Variants in SLC45A3 observed in about 807,000 individuals in gnomAD.
The protein encoded by SLC45A3 is solute carrier family 45 member 3.
SLC45A3 carries 17 observed loss-of-function variants against 35.3 expected under a neutral mutation model. The ratio of observed to expected loss-of-function variants is 0.48; its 90% confidence interval spans 0.33 to 0.72. The LOEUF (loss-of-function observed/expected upper bound fraction) is 0.72, where lower values mean the gene tolerates loss of function less well. Among genes scored for constraint, SLC45A3 ranks in the 30% least tolerant of loss-of-function variants. The pLI is 0.02. For missense variants in SLC45A3, 597 were observed against 731.7 expected (o/e 0.82, Z 2.12); for synonymous variants, 288 against 334.3 (o/e 0.86, Z 1.51).
chr1:205,663,637 T>C lies in SLC45A3; in HGVS notation c.173-19A>G. Reference sequence around the variant, plus strand: ...CCAATGCCTGCAAGAAGGGAAGTAGTATGAGTCAATGGCTGGGACAAGTAA... The same window carrying C: ...CCAATGCCTGCAAGAAGGGAAGTAGCATGAGTCAATGGCTGGGACAAGTAA... On this transcript the variant is annotated intron_variant, in intron 2 of 4. Coordinates refer to ENST00000367145, the MANE Select transcript of SLC45A3 (RefSeq NM_033102.3). 6.5e-7 allele frequency: 1 copy of C among 1,542,588 alleles called. No homozygotes were observed. The highest frequency in any genetic ancestry group is 2.3e-5 in the East Asian group (1 of 44,286).
chr1:205,664,885 T>C lies in SLC45A3; in HGVS notation c.-229A>G, dbSNP rs935518984. On this transcript the variant is annotated splice_region_variant and 5_prime_UTR_variant, in exon 2 of 5. Transcript: ENST00000367145. The surrounding 1 kb of genome is among the most constrained non-coding windows in gnomAD (Gnocchi z 5.3). ...GTGGGGACACGTCTCATCACTCAGATCCTAGAAGGGCGGGGCAATCACAAG... is the reference window on the plus strand; with the variant it reads ...GTGGGGACACGTCTCATCACTCAGACCCTAGAAGGGCGGGGCAATCACAAG... 5 of 1,376,264 alleles carry C rather than the reference T, an allele frequency of 3.6e-6. No homozygotes were observed. The East Asian group carries it at 1.4e-4, about 37-fold the overall frequency. The allele number at this position is 1,376,264 out of a possible 1,614,324, so 85.3% of individuals were successfully genotyped here. A position where few individuals can be genotyped will look rare whatever the true frequency, so the allele number is the denominator to read the frequency against.
chr1:205,657,933 G>C lies in SLC45A3; in HGVS notation c.*1301C>G. 4.6e-6 allele frequency: 1 copy of C among 216,086 alleles called. No homozygotes were observed. The highest frequency in any genetic ancestry group is 9.3e-6 in the Non-Finnish European group (1 of 107,210). The allele number at this position is 216,086 out of a possible 1,614,324, so 13.4% of individuals were successfully genotyped here. On this transcript the variant is annotated 3_prime_UTR_variant, in exon 5 of 5. Coordinates refer to ENST00000367145, the MANE Select transcript of SLC45A3 (RefSeq NM_033102.3). ...ACTTACAGTATAAAATATTCACCCC[G>C]CTAAATAAATAAGACGACATTATTG...
At chr1:205,668,486 C>T (rs891188158) in intron 1 of SLC45A3, among the ~76,000 whole-genome samples, 15 of 152,158 alleles carry the variant, frequency 9.9e-5, no homozygotes, top group African/African-American at 1.4e-4. Context: ...AGTGACAGAT[C>T]AGTGTTGGAA....
rs1033449850 is a variant in SLC45A3 at position 205,669,167 on chromosome 1, G to T, written c.-230-4281C>A. On this transcript the variant is annotated intron_variant, in intron 1 of 4. Transcript: ENST00000367145. The surrounding 1 kb of genome is among the most constrained non-coding windows in gnomAD (Gnocchi z 4.1). ...TCGCCACACACCGAGGACTTTGCAG[G>T]CCCAACTCCAGAGGGAGCAGCTCCT... 2.0e-5 allele frequency among the ~76,000 whole-genome samples: 3 copies of T among 152,190 alleles called. No individual in the cohort carries two copies. Among genetic ancestry groups the T allele is most frequent in the Non-Finnish European group, 4.4e-5 (3 of 68,028 alleles).
At chr1:205,660,948 C>T (rs1244196963) in intron 4 of SLC45A3, among the ~76,000 whole-genome samples, 2 of 152,216 alleles carry the variant, frequency 1.3e-5, no homozygotes, top group African/African-American at 2.4e-5. Flanking sequence ...CTCTCAGCTA[C>T]GAACTTACCT....
Position 205,663,630 on chromosome 1 carries a change from G to C in SLC45A3, c.173-12C>G. ...CACTGGACCAATGCCTGCAAGAAGG[G>C]AAGTAGTATGAGTCAATGGCTGGGA... On this transcript the variant is annotated splice_polypyrimidine_tract_variant and intron_variant, in intron 2 of 4. Coordinates refer to ENST00000367145, the MANE Select transcript of SLC45A3 (RefSeq NM_033102.3). The C allele has an allele frequency of 6.4e-7, 1 of 1,551,062 alleles. No homozygotes were observed. Among genetic ancestry groups the C allele is most frequent in the Non-Finnish European group, 8.7e-7 (1 of 1,153,626 alleles).
At position 205,659,809 on chromosome 1, in the gene SLC45A3, A is replaced by T. The variant is rs1670987941; in HGVS notation, c.1225-138T>A. On this transcript the variant is annotated intron_variant, in intron 4 of 4. Transcript: ENST00000367145. The surrounding 1 kb of genome is among the most constrained non-coding windows in gnomAD (Gnocchi z 5.8). Reference sequence around the variant, plus strand: ...ATGAGAATCAGGAGCAGGAGAGAAGATGGAGACCCTACTTGGTCCAAGTCT... The same window carrying T: ...ATGAGAATCAGGAGCAGGAGAGAAGTTGGAGACCCTACTTGGTCCAAGTCT... 2 of 803,376 alleles carry T rather than the reference A, an allele frequency of 2.5e-6. No homozygotes were observed. Among genetic ancestry groups the T allele is most frequent in the Admixed American group, 3.4e-5 (1 of 29,674 alleles). The allele number at this position is 803,376 out of a possible 1,614,324, so 49.8% of individuals were successfully genotyped here. A position where few individuals can be genotyped will look rare whatever the true frequency, so the allele number is the denominator to read the frequency against.
chr1:205,661,928 C>G lies in SLC45A3; in HGVS notation c.1157G>C (p.Gly386Ala). The G allele has an allele frequency of 6.2e-7, 1 of 1,614,170 alleles. No homozygotes were observed. The highest frequency in any genetic ancestry group is 8.5e-7 in the Non-Finnish European group (1 of 1,180,036). Reference protein sequence around the residue: ...AVVTASAALTGFTFSALQILP... With the variant: ...AVVTASAALTAFTFSALQILP... ...GATCTGCAGGGCTGAGAAGGTGAAC[C>G]CGGTGAGGGCGGCTGAAGCTGTCAC... The change falls in exon 4 of 5, where the codon GGG becomes GCG. Residue 386 changes from glycine (G) to alanine (A), a missense_variant. Coordinates refer to ENST00000367145, the MANE Select transcript of SLC45A3 (RefSeq NM_033102.3).
At chr1:205,673,658 C>T (rs1671253346) in intron 1 of SLC45A3, among the ~76,000 whole-genome samples, 1 of 152,188 alleles carries the variant, frequency 6.6e-6, no homozygotes, top group African/African-American at 2.4e-5. Context: ...GGGTTTCAAA[C>T]TCATTGGCCT....
Position 205,662,359 on chromosome 1 carries a change from G to C in SLC45A3, c.959-233C>G, listed in dbSNP as rs1446445541. 7.1e-7 allele frequency: 1 copy of C among 1,402,198 alleles called. No individual in the cohort carries two copies. Among genetic ancestry groups the C allele is most frequent in the Admixed American group, 3.1e-5 (1 of 32,210 alleles). 86.9% of individuals were successfully genotyped at this position (1,402,198 alleles called of 1,614,324 possible). On this transcript the variant is annotated intron_variant, in intron 3 of 4. Transcript: ENST00000367145. The surrounding 1 kb of genome is among the most constrained non-coding windows in gnomAD (Gnocchi z 6.2). ...TGCTGAAGGCAGAGGAAGGTAGTCT[G>C]AAGGTTTCCTGGGAGTCTCAGCTGT... is the stretch of plus-strand genomic sequence containing the variant.
Position 205,661,947 on chromosome 1 carries a change from C to G in SLC45A3, c.1138G>C (p.Ala380Pro). The part of the protein sequence containing the change: ...CLSHSVAVVT[A>P]SAALTGFTFS... ...GTGAACCCGGTGAGGGCGGCTGAAG[C>G]TGTCACCACGGCCACACTGTGGGAC... Residue 380 changes from alanine to proline, a missense_variant, in exon 4 of 5, where the codon GCT becomes CCT. Ala to Pro is a conservative substitution (Grantham distance 27). Coordinates refer to ENST00000367145, the MANE Select transcript of SLC45A3 (RefSeq NM_033102.3). The G allele has an allele frequency of 5.6e-6, 9 of 1,614,212 alleles. No individual in the cohort carries two copies. The highest frequency in any genetic ancestry group is 7.6e-6 in the Non-Finnish European group (9 of 1,180,038).
rs1671119151 is a variant in SLC45A3 at position 205,666,459 on chromosome 1, G to A, written c.-230-1573C>T. 6.6e-6 allele frequency among the ~76,000 whole-genome samples: 1 copy of A among 152,220 alleles called. No individual in the cohort carries two copies. The highest frequency in any genetic ancestry group is 1.5e-5 in the Non-Finnish European group (1 of 68,030). On this transcript the variant is annotated intron_variant, in intron 1 of 4. Transcript: ENST00000367145. This position sits in a 1 kb window ranked among gnomAD's most constrained non-coding sequence, Gnocchi z 4.1. ...GGAGGTCAAGGGTGCAGCGCGCAGT[G>A]ATTGGACCACTGCCTCCAGTCTGGG...
Position 205,664,864 on chromosome 1 carries a change from G to T in SLC45A3, c.-208C>A. On this transcript the variant is annotated 5_prime_UTR_variant, in exon 2 of 5. Coordinates refer to ENST00000367145, the MANE Select transcript of SLC45A3 (RefSeq NM_033102.3). The surrounding 1 kb of genome is among the most constrained non-coding windows in gnomAD (Gnocchi z 5.3). ...CTGCTGCTGTGGGGCACCTCAGTGGGGACACGTCTCATCACTCAGATCCTA... is the reference window on the plus strand; with the variant it reads ...CTGCTGCTGTGGGGCACCTCAGTGGTGACACGTCTCATCACTCAGATCCTA... The T allele has an allele frequency of 1.4e-6, 2 of 1,409,188 alleles. No individual in the cohort carries two copies. The highest frequency in any genetic ancestry group is 3.2e-5 in the South Asian group (2 of 62,080). 87.3% of individuals were successfully genotyped at this position (1,409,188 alleles called of 1,614,324 possible).
At chr1:205,678,310 T>A (rs754099037) in intron 1 of SLC45A3, among the ~76,000 whole-genome samples, 5 of 152,164 alleles carry the variant, frequency 3.3e-5, no homozygotes, top group Non-Finnish European at 5.9e-5. Flanking sequence ...AGAGTGAAAC[T>A]TCGTCTAAAA....
intron 1 of SLC45A3, among the ~76,000 whole-genome samples, chr1:205,668,085 G>A (rs1365986464): frequency 6.6e-6 from 1 of 152,084 alleles, no homozygotes; most frequent in African/African-American, 2.4e-5. Context: ...GTTCTACTCT[G>A]CCCAGCGGGT....
chr1:205,678,394 T>C (rs1010938409), intron 1 of SLC45A3, among the ~76,000 whole-genome samples: 3 of 152,116 alleles, frequency 2.0e-5, no homozygotes, highest in Non-Finnish European at 4.4e-5. Flanking sequence ...CAGATGATAG[T>C]ACTTAAAGTC....
intron 2 of SLC45A3, 143 bp from the exon 3 acceptor site, chr1:205,663,761 TC>T (rs1671070831): frequency 1.2e-6 from 1 of 865,546 alleles, no homozygotes; most frequent in Admixed American, 3.0e-5. Context: ...TGTAATTTAC[TC>T]CTCATAACAC....
rs1671116999 is a variant in SLC45A3, at chr1:205,666,350, A to G, written c.-230-1464T>C. ...CAGCGAGACCCCCTCTCTACAAAAA[A>G]TTTAAAAATTATCCAGGCGTGGTAG... On this transcript the variant is annotated intron_variant, in intron 1 of 4. Transcript: ENST00000367145. The surrounding 1 kb of genome is among the most constrained non-coding windows in gnomAD (Gnocchi z 4.1). 6.6e-6 allele frequency among the ~76,000 whole-genome samples: 1 copy of G among 152,098 alleles called. No homozygotes were observed. Among genetic ancestry groups the G allele is most frequent in the African/African-American group, 2.4e-5 (1 of 41,390 alleles).
At position 205,664,405 on chromosome 1, in the gene SLC45A3, C is replaced by A. The variant is rs576082238; in HGVS notation, c.172+80G>T. 9 of 1,559,054 alleles carry A rather than the reference C, an allele frequency of 5.8e-6. No individual in the cohort carries two copies. In the East Asian group the frequency reaches 1.8e-4, roughly 31 times the overall value. ...AGACCACCTCTCCCTCCAAGCAGCT[C>A]CCAGGGCAGAGGTACTCCTGTCCCA... On this transcript the variant is annotated intron_variant, in intron 2 of 4. Coordinates refer to ENST00000367145, the MANE Select transcript of SLC45A3 (RefSeq NM_033102.3). The surrounding 1 kb of genome is among the most constrained non-coding windows in gnomAD (Gnocchi z 5.3).
Sources: allele counts gnomAD v4.1 joint callset (sites outside exome capture counted in the v4.1 genomes callset), GRCh38; gene constraint gnomAD v4.1.1; non-coding constraint Gnocchi (gnomAD v3.1); transcripts MANE v1.5; gene names NCBI Gene and HGNC (gene_info 2026-07-23, HGNC 2026-07-21).